HVCN1: variants seen among roughly 807,000 people sequenced by gnomAD.
The protein encoded by HVCN1 is hydrogen voltage gated channel 1, also known as voltage-gated hydrogen channel 1.
In HVCN1, 14 loss-of-function variants were observed where a neutral mutation model predicts 29.2. The ratio of observed to expected loss-of-function variants is 0.48; its 90% CI spans 0.32 to 0.75. The LOEUF (loss-of-function observed/expected upper bound fraction) is 0.75, where lower values mean the gene tolerates loss of function less well. Ranked by LOEUF, HVCN1 falls within the 30% of genes least tolerant of loss-of-function variation. The pLI, the probability that HVCN1 is intolerant of heterozygous loss-of-function variation, is 0.04. For synonymous variants in HVCN1, 131 were observed against 133.2 expected (o/e 0.98, Z 0.11); for missense variants, 263 against 341.8 (o/e 0.77, Z 1.82).
Position 110,649,115 on chromosome 12 carries a change from T to C in HVCN1, c.*295A>G, listed in dbSNP as rs2067656223. On this transcript the variant is annotated 3_prime_UTR_variant, in exon 8 of 8. Coordinates refer to ENST00000242607, the MANE Select transcript of HVCN1 (RefSeq NM_032369.4). ...CTGTACATTCGGTGAGATTAAATTT[T>C]ATATACAACTAGCAATTGTCCAGCT... The C allele has an allele frequency of 1.5e-6, 1 of 652,910 alleles. No individual in the cohort carries two copies. Among genetic ancestry groups the C allele is most frequent in the East Asian group, 3.1e-5 (1 of 32,780 alleles). 40.4% of individuals were successfully genotyped at this position (652,910 alleles called of 1,614,324 possible).
intron 4 of HVCN1, among the ~76,000 whole-genome samples, chr12:110,659,326 C>T (rs2068089156): frequency 6.6e-6 from 1 of 150,758 alleles, no homozygotes; most frequent in South Asian, 2.1e-4. Flanking sequence ...AAAAAAAGAC[C>T]AAAATAATTT....
At chr12:110,692,676 A>G (rs1008650503), upstream of HVCN1, among the ~76,000 whole-genome samples, 1 of 152,020 alleles carries the variant, frequency 6.6e-6, no homozygotes, top group Non-Finnish European at 1.5e-5. Flanking sequence ...GTGAGCTACG[A>G]TTGCACCACA....
intron 2 of HVCN1, among the ~76,000 whole-genome samples, chr12:110,684,387 A>C (rs2069103592): frequency 6.6e-6 from 1 of 152,238 alleles, no homozygotes. Flanking sequence ...CAGACATTAC[A>C]GTGTTGGGGT....
At chr12:110,669,372 C>T (rs2068490028) in intron 3 of HVCN1, among the ~76,000 whole-genome samples, 1 of 152,140 alleles carries the variant, frequency 6.6e-6, no homozygotes, top group Non-Finnish European at 1.5e-5. Flanking sequence ...TGACTGTGTC[C>T]CTGCTGTGCA....
At chr12:110,663,393 A>C (rs958168854) in intron 3 of HVCN1, among the ~76,000 whole-genome samples, 1 of 151,940 alleles carries the variant, frequency 6.6e-6, no homozygotes, top group Admixed American at 6.6e-5. Context: ...GCTTGAGCCC[A>C]GGAGCTGAGA....
At chr12:110,690,485 T>C (rs1045444298), upstream of HVCN1, among the ~76,000 whole-genome samples, 1 of 152,184 alleles carries the variant, frequency 6.6e-6, no homozygotes, top group African/African-American at 2.4e-5. Context: ...TCTTTTCTTT[T>C]TTCTTTTTTT....
At chr12:110,663,289 C>A (rs533155630) in intron 3 of HVCN1, among the ~76,000 whole-genome samples, 1 of 152,114 alleles carries the variant, frequency 6.6e-6, no homozygotes, top group Admixed American at 6.5e-5. Flanking sequence ...GTGACATGTT[C>A]AAAAATGTTC....
chr12:110,681,379 T>C (rs997024769), intron 3 of HVCN1, among the ~76,000 whole-genome samples: 1 of 152,222 alleles, frequency 6.6e-6, no homozygotes, highest in Non-Finnish European at 1.5e-5. Context: ...TTGATACACA[T>C]GGTCAAATTT....
chr12:110,680,205 C>T (rs2068910427), intron 3 of HVCN1, among the ~76,000 whole-genome samples: 2 of 152,180 alleles, frequency 1.3e-5, no homozygotes, highest in Non-Finnish European at 2.9e-5. Context: ...CCAGCAATGT[C>T]CTCCTGACAA....
intron 2 of HVCN1, among the ~76,000 whole-genome samples, chr12:110,695,159 A>G (rs1043117232): frequency 3.9e-5 from 6 of 152,324 alleles, no homozygotes; most frequent in African/African-American, 1.4e-4. Context: ...CTGCAATCCC[A>G]GCACTTTGGG....
At chr12:110,682,312 G>A (rs2069010739) in intron 3 of HVCN1, among the ~76,000 whole-genome samples, 1 of 152,038 alleles carries the variant, frequency 6.6e-6, no homozygotes, top group South Asian at 2.1e-4. Flanking sequence ...CAATTCTCCT[G>A]CCTCAGCCTC....
chr12:110,661,929 C>T lies in HVCN1; in HGVS notation c.22-481G>A, dbSNP rs1377323626. ...TCCTGACAGGCGCGTGGCAGATGGA[C>T]ATTTTCCAAGTTCAGCCAGTGCTAT... On this transcript the variant is annotated intron_variant, in intron 3 of 7. Transcript: ENST00000242607. The surrounding 1 kb of genome is among the most constrained non-coding windows in gnomAD (Gnocchi z 6.2). 6.6e-6 allele frequency among the ~76,000 whole-genome samples: 1 copy of T among 152,206 alleles called. No homozygotes were observed. The highest frequency in any genetic ancestry group is 1.5e-5 in the Non-Finnish European group (1 of 68,032).
chr12:110,683,123 C>T (rs2069045502), intron 3 of HVCN1, 102 bp downstream of exon 3: 14 of 1,460,902 alleles, frequency 9.6e-6, no homozygotes, highest in Admixed American at 3.4e-5. Flanking sequence ...AGTGGAAACA[C>T]CTGAACAGGG....
chr12:110,701,718 A>G (rs1198437235), intron 2 of HVCN1, among the ~76,000 whole-genome samples: 1 of 151,776 alleles, frequency 6.6e-6, no homozygotes, highest in Non-Finnish European at 1.5e-5. Context: ...GTAGCTGGGC[A>G]TGGTGGTGCA....
chr12:110,649,101 G>A lies in HVCN1; in HGVS notation c.*309C>T, dbSNP rs1325606939. 1.6e-6 allele frequency: 1 copy of A among 633,198 alleles called. No homozygotes were observed. Among genetic ancestry groups the A allele is most frequent in the Admixed American group, 2.1e-5 (1 of 47,554 alleles). The allele number at this position is 633,198 out of a possible 1,614,324, so 39.2% of individuals were successfully genotyped here. On this transcript the variant is annotated 3_prime_UTR_variant, in exon 8 of 8. Coordinates refer to ENST00000242607, the MANE Select transcript of HVCN1 (RefSeq NM_032369.4). ...GTGAAATTTGAAAACTGTACATTCGGTGAGATTAAATTTTATATACAACTA... is the reference window on the plus strand; with the variant it reads ...GTGAAATTTGAAAACTGTACATTCGATGAGATTAAATTTTATATACAACTA...
At chr12:110,660,520 G>GT (rs2068133783) in intron 4 of HVCN1, among the ~76,000 whole-genome samples, 2 of 152,160 alleles carry the variant, frequency 1.3e-5, no homozygotes, top group African/African-American at 4.8e-5. Context: ...ACAGATGAGT[G>GT]TTTTTTCTGT....
chr12:110,652,966 C>G (rs75832435), intron 5 of HVCN1, among the ~76,000 whole-genome samples: 57 of 152,284 alleles, frequency 3.7e-4, no homozygotes, highest in African/African-American at 1.3e-3. Flanking sequence ...ATGCCACATC[C>G]AGAACATCGC....
At chr12:110,677,806 G>A (rs2068797010) in intron 3 of HVCN1, among the ~76,000 whole-genome samples, 2 of 152,260 alleles carry the variant, frequency 1.3e-5, no homozygotes, top group Admixed American at 1.3e-4. Flanking sequence ...AGCTCTGGCA[G>A]GAGGAGCTGC....
upstream of HVCN1, among the ~76,000 whole-genome samples, chr12:110,693,823 A>G (rs2069449892): frequency 6.6e-6 from 1 of 152,214 alleles, no homozygotes; most frequent in Non-Finnish European, 1.5e-5. Context: ...TGTTTTATGC[A>G]TTGAAAAACA....
Sources: gnomAD v4.1 joint callset for allele counts (sites outside exome capture counted in the v4.1 genomes callset) on GRCh38, gnomAD v4.1.1 for gene constraint, Gnocchi (gnomAD v3.1) non-coding constraint, MANE v1.5 for transcripts, NCBI Gene and HGNC (gene_info 2026-07-23, HGNC 2026-07-21) for gene names.